Variants in SPATA6 observed in about 807,000 individuals in gnomAD.
SPATA6 encodes the protein spermatogenesis associated 6.
A neutral mutation model predicts 65.3 loss-of-function variants in SPATA6; 56 were observed. That is an observed-to-expected ratio of 0.86 (90% CI 0.69 to 1.07). The LOEUF is 1.07. SPATA6 is among the 50% of genes least tolerant of loss of function. The pLI, the probability that SPATA6 is intolerant of heterozygous loss-of-function variation, is 0.00. For synonymous variants in SPATA6, 199 were observed against 213.2 expected (o/e 0.93, Z 0.58); for missense variants, 590 against 594.8 (o/e 0.99, Z 0.08).
At chr1:48,316,705 T>A (rs1208619140) in intron 11 of SPATA6, among the ~76,000 whole-genome samples, 1 of 152,098 alleles carries the variant, frequency 6.6e-6, no homozygotes, top group Non-Finnish European at 1.5e-5. Flanking sequence ...ACTAAAGAGC[T>A]TCTGCACAGC....
chr1:48,365,746 C>A (rs927790066), intron 9 of SPATA6, among the ~76,000 whole-genome samples: 1 of 152,128 alleles, frequency 6.6e-6, no homozygotes, highest in Non-Finnish European at 1.5e-5. Flanking sequence ...CAAACAGGGA[C>A]AATTTGACTT....
In SPATA6 at chr1:48,336,057, A is replaced by G. The variant is rs558308681; in HGVS notation, c.1194+19613T>C. Among the ~76,000 whole-genome samples, 14 of 152,338 alleles carry G rather than the reference A, an allele frequency of 9.2e-5. 1 individual carries two copies. In the South Asian group the frequency reaches 2.9e-3, roughly 32 times the overall value. On this transcript the variant is annotated intron_variant, in intron 11 of 12. Coordinates refer to ENST00000371847, the MANE Select transcript of SPATA6 (RefSeq NM_019073.4). ...GTACAATATCACTAATCATTAGAGA[A>G]ATTCAAATACAAACAACAATAAGAT...
At chr1:48,373,086 C>A (rs923352166) in intron 9 of SPATA6, among the ~76,000 whole-genome samples, 2 of 152,228 alleles carry the variant, frequency 1.3e-5, no homozygotes, top group Non-Finnish European at 2.9e-5. Flanking sequence ...ATGCAAATTT[C>A]TGCAGCTGGC....
At chr1:48,412,103 G>C (rs577182088) in intron 4 of SPATA6, among the ~76,000 whole-genome samples, 3 of 152,016 alleles carry the variant, frequency 2.0e-5, no homozygotes, top group Non-Finnish European at 4.4e-5. Flanking sequence ...CTCATGATCT[G>C]CCCACCTTGG....
intron 11 of SPATA6, among the ~76,000 whole-genome samples, chr1:48,334,753 T>C (rs577531980): frequency 1.3e-5 from 2 of 152,138 alleles, no homozygotes; most frequent in Admixed American, 1.3e-4. Flanking sequence ...TCACCACTCC[T>C]ATTCAACATA....
At chr1:48,428,885 GTGTGTGTT>G (rs980841882) in intron 3 of SPATA6, among the ~76,000 whole-genome samples, 5 of 150,508 alleles carry the variant, frequency 3.3e-5, no homozygotes, top group South Asian at 2.1e-4. Context: ...GTGTGTGTGT[GTGTGTGTT>G]TGTGTGTGTG....
At chr1:48,439,293 T>C (rs970297597) in intron 3 of SPATA6, among the ~76,000 whole-genome samples, 3 of 152,218 alleles carry the variant, frequency 2.0e-5, no homozygotes, top group African/African-American at 7.2e-5. Context: ...TCCTCAGTCC[T>C]CCTTGTGGTC....
At chr1:48,286,890 T>G in the SPATA6 span, among the ~76,000 whole-genome samples, 7 of 151,820 alleles carry the variant, frequency 4.6e-5, no homozygotes, top group African/African-American at 1.7e-4. Flanking sequence ...TACAAAAAAT[T>G]TATCTGGGTG....
At chr1:48,305,958 C>T in intron 11 of SPATA6, 80 bp from the exon 12 acceptor site, 2 of 959,486 alleles carry the variant, frequency 2.1e-6, no homozygotes, top group Non-Finnish European at 3.1e-6. Flanking sequence ...ATAAAATGCT[C>T]TTCCCCTCCC....
At chr1:48,310,036 T>A (rs550513662) in intron 11 of SPATA6, among the ~76,000 whole-genome samples, 7 of 152,360 alleles carry the variant, frequency 4.6e-5, no homozygotes, top group Non-Finnish European at 1.0e-4. Context: ...ATGAGTGGTA[T>A]TCTAAAATCC....
intron 3 of SPATA6, among the ~76,000 whole-genome samples, chr1:48,434,697 GGTGT>G (rs150440127): frequency 4.6e-5 from 7 of 150,834 alleles, no homozygotes; most frequent in Non-Finnish European, 8.9e-5. Flanking sequence ...CACTTACGGG[GGTGT>G]GTGTGTGTGT....
chr1:48,345,803 C>A (rs1646347957), intron 11 of SPATA6, among the ~76,000 whole-genome samples: 1 of 151,962 alleles, frequency 6.6e-6, no homozygotes, highest in African/African-American at 2.4e-5. Flanking sequence ...GAAACTGAAT[C>A]CCTGAACAGA....
chr1:48,312,403 C>T (rs973875422), intron 11 of SPATA6, among the ~76,000 whole-genome samples: 1 of 152,188 alleles, frequency 6.6e-6, no homozygotes, highest in African/African-American at 2.4e-5. Flanking sequence ...ATCCGCTGTT[C>T]TGCAGTCTTC....
chr1:48,280,541 A>G, the SPATA6 span, among the ~76,000 whole-genome samples: 7 of 152,344 alleles, frequency 4.6e-5, no homozygotes, highest in Non-Finnish European at 7.3e-5. Flanking sequence ...ACCATCAGAG[A>G]ATACTACAAA....
chr1:48,341,017 C>G (rs112228156), intron 11 of SPATA6, among the ~76,000 whole-genome samples: 1 of 152,116 alleles, frequency 6.6e-6, no homozygotes, highest in Non-Finnish European at 1.5e-5. Flanking sequence ...AGCATAACCA[C>G]GACACATTAT....
intron 8 of SPATA6, among the ~76,000 whole-genome samples, chr1:48,390,678 TA>T (rs1312935142): frequency 1.3e-5 from 2 of 152,202 alleles, no homozygotes; most frequent in African/African-American, 2.4e-5. Flanking sequence ...ATGTACCCAA[TA>T]AATATGTAAA....
chr1:48,349,630 T>G (rs138611582), intron 11 of SPATA6, among the ~76,000 whole-genome samples: 11 of 151,904 alleles, frequency 7.2e-5, no homozygotes, highest in African/African-American at 2.2e-4. Flanking sequence ...CCTAAAAATT[T>G]CCCTGTCAGG....
intron 11 of SPATA6, among the ~76,000 whole-genome samples, chr1:48,313,693 C>A (rs998248907): frequency 4.9e-4 from 74 of 152,064 alleles, no homozygotes; most frequent in African/African-American, 8.7e-4. Flanking sequence ...CACACATAAC[C>A]ATATTAACAT....
chr1:48,426,929 C>CTT (rs534847545), intron 3 of SPATA6, among the ~76,000 whole-genome samples: 2 of 144,796 alleles, frequency 1.4e-5, no homozygotes, highest in East Asian at 2.0e-4. Flanking sequence ...TCAGTTCAAT[C>CTT]TTTTTTTTTT....
Sources: allele counts gnomAD v4.1 joint callset (sites outside exome capture counted in the v4.1 genomes callset), GRCh38; gene constraint gnomAD v4.1.1; transcripts MANE v1.5; gene names NCBI Gene and HGNC (gene_info 2026-07-23, HGNC 2026-07-21).